MISFA: variants seen among roughly 807,000 people sequenced by gnomAD.
MISFA encodes mitochondrial sheath formation-associated protein.
At chr11:18,608,742 A>G in the MISFA span, 4 of 152,644 alleles carry the variant, frequency 2.6e-5, no homozygotes, top group African/African-American at 7.2e-5. Context: ...TCCACAGCTC[A>G]GTAAAATAAC....
chr11:18,604,551 C>G, the MISFA span, among the ~76,000 whole-genome samples: 2 of 151,466 alleles, frequency 1.3e-5, no homozygotes, highest in Non-Finnish European at 2.9e-5. Context: ...GTCCCAGCTA[C>G]TCGGGAGGCA....
At chr11:18,604,322 T>C in the MISFA span, among the ~76,000 whole-genome samples, 2 of 152,008 alleles carry the variant, frequency 1.3e-5, no homozygotes, top group African/African-American at 4.8e-5. Context: ...TGGGAGACAA[T>C]TGGGTCCTTC....
chr11:18,600,512 C>CCT, the MISFA span, among the ~76,000 whole-genome samples: 1 of 54,050 alleles, frequency 1.9e-5, no homozygotes, highest in Admixed American at 2.7e-4. Context: ...TGGGGACATC[C>CCT]TTTTTTTTTT....
chr11:18,604,080 C>T, the MISFA span, among the ~76,000 whole-genome samples: 1 of 151,744 alleles, frequency 6.6e-6, no homozygotes, highest in Admixed American at 6.6e-5. Context: ...GCGCCTGCCA[C>T]CACGCCTGGC....
At chr11:18,609,785 G>C in the MISFA span, 4 of 1,312,980 alleles carry the variant, frequency 3.0e-6, no homozygotes, top group Non-Finnish European at 4.3e-6. Context: ...AAATGATAAG[G>C]GGGCTTCTTC....
the MISFA span, chr11:18,603,634 C>T: frequency 2.5e-4 from 101 of 396,908 alleles, no homozygotes; most frequent in African/African-American, 1.2e-3. Flanking sequence ...CCCTTGCATC[C>T]GGGATCAGAG....
At chr11:18,603,021 A>C in the MISFA span, 6 of 397,276 alleles carry the variant, frequency 1.5e-5, no homozygotes, top group East Asian at 2.1e-4. Context: ...ATGCTGGGCC[A>C]TCCACCATCT....
chr11:18,605,770 AACCTCC>A, the MISFA span, among the ~76,000 whole-genome samples: 3 of 152,110 alleles, frequency 2.0e-5, no homozygotes, highest in Admixed American at 2.0e-4. Context: ...GGCTCACTGC[AACCTCC>A]ACCTCCCAGG....
the MISFA span, chr11:18,607,825 CTT>C: frequency 1.3e-4 from 20 of 152,128 alleles, no homozygotes; most frequent in African/African-American, 3.9e-4. Context: ...AAACCTGATT[CTT>C]CCCACTAAGT....
chr11:18,603,527 G>A, the MISFA span, among the ~76,000 whole-genome samples: 1 of 152,162 alleles, frequency 6.6e-6, no homozygotes, highest in African/African-American at 2.4e-5. Context: ...TCTGTAAAAG[G>A]GATCTGGTGG....
chr11:18,599,842 G>A, the MISFA span: 1 of 397,566 alleles, frequency 2.5e-6, no homozygotes, highest in Non-Finnish European at 4.4e-6. Context: ...CCAACTGAAG[G>A]TTTCGTGAGC....
chr11:18,600,090 T>A, the MISFA span: 2 of 398,648 alleles, frequency 5.0e-6, no homozygotes, highest in Non-Finnish European at 8.9e-6. Flanking sequence ...GGAAAGATAG[T>A]TGAGGTCTCA....
chr11:18,606,570 G>A, the MISFA span: 1 of 280,744 alleles, frequency 3.6e-6, no homozygotes, highest in Non-Finnish European at 6.8e-6. Flanking sequence ...AAGACAGGAT[G>A]GATTTAATTA....
the MISFA span, among the ~76,000 whole-genome samples, chr11:18,605,861 A>G: frequency 6.6e-6 from 1 of 152,126 alleles, no homozygotes; most frequent in Non-Finnish European, 1.5e-5. Flanking sequence ...TATTTTTAGT[A>G]GAGACGGAGT....
the MISFA span, chr11:18,609,611 C>A: frequency 2.0e-6 from 1 of 489,046 alleles, no homozygotes; most frequent in South Asian, 2.7e-5. Flanking sequence ...AGGATCAAGG[C>A]TGGCATCTGT....
the MISFA span, chr11:18,599,919 AC>A: frequency 2.5e-6 from 1 of 398,796 alleles, no homozygotes; most frequent in Non-Finnish European, 4.4e-6. Context: ...AAATTGTTTT[AC>A]GTTTGATCAT....
At chr11:18,603,987 C>T in the MISFA span, 35 of 280,298 alleles carry the variant, frequency 1.2e-4, no homozygotes, top group Non-Finnish European at 1.7e-4. Flanking sequence ...AGTGCAGTGG[C>T]GCGATCTCGG....
At chr11:18,599,912 T>C in the MISFA span, 1 of 399,014 alleles carries the variant, frequency 2.5e-6, no homozygotes. Context: ...ATCTTAGAAA[T>C]TGTTTTACGT....
At chr11:18,606,670 T>C in the MISFA span, 2 of 402,996 alleles carry the variant, frequency 5.0e-6, no homozygotes, top group Admixed American at 3.8e-5. Flanking sequence ...AGTAGTCTAA[T>C]ATATTCAATA....
Sources: allele counts gnomAD v4.1 joint callset (sites outside exome capture counted in the v4.1 genomes callset), GRCh38; gene constraint gnomAD v4.1.1; transcripts MANE v1.5; gene names NCBI Gene and HGNC (gene_info 2026-07-23, HGNC 2026-07-21).